CNPY3: variants seen among roughly 807,000 people sequenced by gnomAD.
The protein encoded by CNPY3 is protein canopy homolog 3.
A neutral mutation model predicts 32.0 loss-of-function variants in CNPY3; 20 were observed. The ratio of observed to expected loss-of-function variants is 0.63; its 90% CI spans 0.44 to 0.91. The LOEUF is 0.91. CNPY3 is among the 40% of genes least tolerant of loss of function. The pLI is 0.00. For synonymous variants in CNPY3, 138 were observed against 142.9 expected, an observed-to-expected ratio of 0.97 and a Z score of 0.24; for missense variants, 299 against 340.8, an observed-to-expected ratio of 0.88 and a Z score of 0.97.
intron 1 of CNPY3, among the ~76,000 whole-genome samples, chr6:42,931,715 T>G (rs1055257936): frequency 3.3e-5 from 5 of 151,300 alleles, no homozygotes; most frequent in African/African-American, 1.2e-4. Flanking sequence ...CTTTTCTGTC[T>G]TATTATTATT....
In CNPY3 at chr6:42,935,040, A is replaced by AT. The variant is rs60345530; in HGVS notation, c.275+449dup. On this transcript the variant is annotated intron_variant, in intron 2 of 5. Transcript: ENST00000372836. ...CCATCACGCCCAGCTAATTTTCTGT[A>AT]TTTTTTTAGTAGAGATGGAGTTTCA... 8.3e-3 allele frequency among the ~76,000 whole-genome samples: 1,257 copies of AT among 151,960 alleles called. 17 individuals carry two copies. Among genetic ancestry groups the AT allele is most frequent in the African/African-American group, 0.029 (1,188 of 41,436 alleles).
At chr6:42,932,243 A>G (rs533561305) in intron 1 of CNPY3, among the ~76,000 whole-genome samples, 2 of 152,298 alleles carry the variant, frequency 1.3e-5, no homozygotes, top group Admixed American at 6.5e-5. Context: ...CAGTCACAGG[A>G]TGGCTTGGCA....
At chr6:42,933,381 C>T (rs763278966) in intron 1 of CNPY3, among the ~76,000 whole-genome samples, 33 of 152,130 alleles carry the variant, frequency 2.2e-4, no homozygotes, top group Middle Eastern at 3.4e-3. Context: ...CAGGCTGACA[C>T]GTAGGAGTTG....
intron 1 of CNPY3, among the ~76,000 whole-genome samples, chr6:42,932,188 T>C (rs952077827): frequency 5.9e-5 from 9 of 152,228 alleles, no homozygotes; most frequent in African/African-American, 2.2e-4. Flanking sequence ...CATTCTAGTC[T>C]ACCCTCATTT....
Position 42,929,709 on chromosome 6 carries a change from A to G in CNPY3, c.139A>G (p.Ser47Gly). ...GGAGAACGACTGGGTTCGCCTGCCC[A>G]GCAAATGCGAAGGTGAGGAGGCGGG... Reference protein sequence around the residue: ...AEENDWVRLPSKCEVCKYVAV... With the variant: ...AEENDWVRLPGKCEVCKYVAV... Residue 47 changes from serine to glycine, a missense_variant, in exon 1 of 6, where the codon AGC (serine) becomes GGC (glycine). Around this residue, in one of 2 missense-constraint regions of CNPY3, gnomAD observed 88 missense variants for 62.5 expected, o/e 1.41. Coordinates refer to ENST00000372836, the MANE Select transcript of CNPY3 (RefSeq NM_006586.5). The G allele has an allele frequency of 1.9e-6, 3 of 1,547,068 alleles. No homozygotes were observed. Among genetic ancestry groups the G allele is most frequent in the Non-Finnish European group, 2.6e-6 (3 of 1,144,550 alleles).
rs1328502816 is a variant in CNPY3 at position 42,938,017 on chromosome 6, A to T, written c.496-73A>T. Reference sequence around the variant, plus strand: ...ACTGCCTACCTTGCAGTGGGTTGCGAGGCTTAGCTGAGCTCCTCTAGGAGC... The same window carrying T: ...ACTGCCTACCTTGCAGTGGGTTGCGTGGCTTAGCTGAGCTCCTCTAGGAGC... On this transcript the variant is annotated intron_variant, in intron 4 of 5. Transcript: ENST00000372836. 3 of 1,494,064 alleles carry T rather than the reference A, an allele frequency of 2.0e-6. No individual in the cohort carries two copies. The African/African-American group carries it at 4.1e-5, about 21-fold the overall frequency. The allele number at this position is 1,494,064 out of a possible 1,614,324, so 92.6% of individuals were successfully genotyped here.
chr6:42,935,792 C>A, intron 3 of CNPY3, 122 bp downstream of exon 3: 1 of 1,145,708 alleles, frequency 8.7e-7, no homozygotes, highest in South Asian at 1.7e-5. Flanking sequence ...TGCCTCTTCC[C>A]ATTCTTTGAT....
chr6:42,932,828 G>A (rs900519781), intron 1 of CNPY3, among the ~76,000 whole-genome samples: 2 of 152,116 alleles, frequency 1.3e-5, no homozygotes, highest in Non-Finnish European at 2.9e-5. Flanking sequence ...AGGCCTCCAG[G>A]GGATGTATTT....
intron 3 of CNPY3, among the ~76,000 whole-genome samples, chr6:42,935,880 G>A (rs1385560804): frequency 6.6e-6 from 1 of 152,244 alleles, no homozygotes; most frequent in East Asian, 1.9e-4. Context: ...GTTCATGAGG[G>A]TCCTGCTTCA....
chr6:42,934,427 C>A (rs766736658), intron 1 of CNPY3, 48 bp from the exon 2 acceptor site: 78 of 1,610,284 alleles, frequency 4.8e-5, no homozygotes, highest in Non-Finnish European at 6.5e-5. Flanking sequence ...GCTGGCCTCC[C>A]ATTAGACTCA....
In CNPY3 at chr6:42,939,168, C is replaced by G; in HGVS notation, c.*377C>G. The G allele has an allele frequency of 9.7e-7, 1 of 1,033,836 alleles. No homozygotes were observed. Among genetic ancestry groups the G allele is most frequent in the Non-Finnish European group, 1.2e-6 (1 of 861,628 alleles). The allele number at this position is 1,033,836 out of a possible 1,614,324, so 64.0% of individuals were successfully genotyped here. On this transcript the variant is annotated 3_prime_UTR_variant, in exon 6 of 6. Transcript: ENST00000372836. ...CCCAACAGGGTACTAGGACTGCAGC[C>G]CCCTGTAGCTCCTCTCTGCTTACCC...
upstream of CNPY3, chr6:42,929,465 C>G (rs772299915): frequency 1.2e-4 from 145 of 1,233,950 alleles, no homozygotes; most frequent in Non-Finnish European, 1.5e-4. Context: ...GTCGTGGTTG[C>G]TCGGAGGCAC....
In CNPY3 at chr6:42,934,516, G is replaced by A. The variant is rs779866489; in HGVS notation, c.193G>A (p.Glu65Lys). The A allele has an allele frequency of 2.5e-6, 4 of 1,613,994 alleles. No homozygotes were observed. Among genetic ancestry groups the A allele is most frequent in the South Asian group, 1.1e-5 (1 of 91,088 alleles). Residue 65 changes from glutamate to lysine, a missense_variant, in exon 2 of 6, where the codon GAA becomes AAA. Physicochemically the swap from Glu to Lys is moderately conservative, Grantham distance 56 (BLOSUM62 1). Around this residue, in one of 2 missense-constraint regions of CNPY3, gnomAD observed 211 missense variants for 278.3 expected, o/e 0.76. Transcript: ENST00000372836. ...VAVELKSAFE[E>K]TGKTKEVIGT... ...TGTGGAGCTGAAGTCAGCCTTTGAGGAAACCGGCAAGACCAAGGAGGTGAT... is the reference window on the plus strand; with the variant it reads ...TGTGGAGCTGAAGTCAGCCTTTGAGAAAACCGGCAAGACCAAGGAGGTGAT...
At chr6:42,934,404 T>C in intron 1 of CNPY3, 71 bp from the exon 2 acceptor site, 1 of 1,590,670 alleles carries the variant, frequency 6.3e-7, no homozygotes, top group South Asian at 1.1e-5. Context: ...CACCTGGATC[T>C]GTTTTGCTGG....
In CNPY3 at chr6:42,937,695, C is replaced by G. The variant is rs375690231; in HGVS notation, c.373-22C>G. 1.9e-6 allele frequency: 3 copies of G among 1,613,290 alleles called. No homozygotes were observed. The African/African-American group carries it at 4.0e-5, about 22-fold the overall frequency. On this transcript the variant is annotated intron_variant, in intron 3 of 5. Coordinates refer to ENST00000372836, the MANE Select transcript of CNPY3 (RefSeq NM_006586.5). ...AGGGAGAGAAGGGAGCTCCGCCTGCCATATCTGGTCGCTTCTTCCAGGGCA... is the reference window on the plus strand; with the variant it reads ...AGGGAGAGAAGGGAGCTCCGCCTGCGATATCTGGTCGCTTCTTCCAGGGCA...
At chr6:42,930,601 T>C (rs1767721161) in intron 1 of CNPY3, among the ~76,000 whole-genome samples, 1 of 152,166 alleles carries the variant, frequency 6.6e-6, no homozygotes, top group Admixed American at 6.6e-5. Flanking sequence ...TTCTTTTTCC[T>C]CAACTCCGTC....
chr6:42,935,679 C>A lies in CNPY3; in HGVS notation c.372+9C>A, dbSNP rs116075503. On this transcript the variant is annotated intron_variant, in intron 3 of 5. Coordinates refer to ENST00000372836, the MANE Select transcript of CNPY3 (RefSeq NM_006586.5). ...GCAATCGATTTGCCAAGGTTGGATT[C>A]GGGATTGTCCTTCATCCGCTCTGGG... is the stretch of plus-strand genomic sequence containing the variant. 13 of 1,605,832 alleles carry A rather than the reference C, an allele frequency of 8.1e-6. No individual in the cohort carries two copies. The highest frequency in any genetic ancestry group is 1.3e-5 in the African/African-American group (1 of 74,796).
intron 4 of CNPY3, 96 bp downstream of exon 4, chr6:42,937,935 G>A: frequency 6.4e-7 from 1 of 1,552,696 alleles, no homozygotes; most frequent in Admixed American, 1.7e-5. Context: ...GGCCGGGGTG[G>A]CTTTGGTCAG....
At chr6:42,936,025 C>T (rs1053538) in intron 3 of CNPY3, among the ~76,000 whole-genome samples, 6 of 144,930 alleles carry the variant, frequency 4.1e-5, no homozygotes, top group African/African-American at 1.3e-4. Context: ...GAGGACACCT[C>T]GGTGGGAGTG....
Sources: allele counts gnomAD v4.1 joint callset (sites outside exome capture counted in the v4.1 genomes callset), GRCh38; gene constraint gnomAD v4.1.1; regional missense constraint gnomAD v4.1.1; transcripts MANE v1.5; gene names NCBI Gene and HGNC (gene_info 2026-07-23, HGNC 2026-07-21).